NUDT3: variants seen among roughly 807,000 people sequenced by gnomAD.
The protein encoded by NUDT3 is nudix hydrolase 3.
In NUDT3, 9 loss-of-function variants were observed where a neutral mutation model predicts 23.6. The observed-to-expected ratio is 0.38, with a 90% CI of 0.23 to 0.66. The LOEUF is 0.66. NUDT3 is among the 30% of genes least tolerant of loss of function. The pLI is 0.52. For missense variants in NUDT3, 172 were observed against 218.5 expected, an observed-to-expected ratio of 0.79 and a Z score of 1.34; for synonymous variants, 86 against 82.6, an observed-to-expected ratio of 1.04 and a Z score of -0.22.
chr6:34,304,079 C>A (rs1021709649), intron 2 of NUDT3, among the ~76,000 whole-genome samples: 2 of 151,850 alleles, frequency 1.3e-5, no homozygotes, highest in Non-Finnish European at 2.9e-5. Context: ...ATGGTGAAAC[C>A]CCCATCTCTA....
At chr6:34,346,989 G>C (rs921732674) in intron 1 of NUDT3, among the ~76,000 whole-genome samples, 3 of 152,102 alleles carry the variant, frequency 2.0e-5, no homozygotes, top group Admixed American at 2.0e-4. Context: ...GGTTGGTCTT[G>C]AACTCCTGAC....
At chr6:34,312,988 G>A (rs781093814) in intron 2 of NUDT3, among the ~76,000 whole-genome samples, 33 of 152,016 alleles carry the variant, frequency 2.2e-4, no homozygotes, top group Middle Eastern at 6.8e-3. Flanking sequence ...CCAACATGGC[G>A]AAACCCCCTC....
chr6:34,324,945 G>A (rs939967590), intron 2 of NUDT3, among the ~76,000 whole-genome samples: 3 of 152,184 alleles, frequency 2.0e-5, no homozygotes, highest in Admixed American at 1.3e-4. Flanking sequence ...AGCAAAAGCT[G>A]AGCACAGGAA....
At chr6:34,340,581 C>G (rs1764273159) in intron 2 of NUDT3, among the ~76,000 whole-genome samples, 1 of 152,040 alleles carries the variant, frequency 6.6e-6, no homozygotes, top group South Asian at 2.1e-4. Context: ...TTTGGTTCTA[C>G]CCGGGTTAGC....
At chr6:34,374,361 CA>C (rs908995359) in intron 1 of NUDT3, among the ~76,000 whole-genome samples, 3 of 152,076 alleles carry the variant, frequency 2.0e-5, no homozygotes, top group Admixed American at 6.6e-5. Context: ...TCCAGGTTCA[CA>C]AATGTAAAGA....
chr6:34,347,000 C>G (rs559210731), intron 1 of NUDT3, among the ~76,000 whole-genome samples: 1 of 152,122 alleles, frequency 6.6e-6, no homozygotes, highest in Admixed American at 6.5e-5. Flanking sequence ...AACTCCTGAC[C>G]TCAAGCAATC....
chr6:34,347,977 A>T (rs370263758), intron 1 of NUDT3, among the ~76,000 whole-genome samples: 13 of 151,410 alleles, frequency 8.6e-5, no homozygotes, highest in Non-Finnish European at 8.8e-5. Flanking sequence ...GTCTACCAAA[A>T]AAATAAATAA....
intron 2 of NUDT3, among the ~76,000 whole-genome samples, chr6:34,341,163 T>C (rs1037935848): frequency 6.6e-6 from 1 of 152,186 alleles, no homozygotes; most frequent in African/African-American, 2.4e-5. Context: ...AAGCAGAGCA[T>C]GGTGTCACCA....
intron 2 of NUDT3, among the ~76,000 whole-genome samples, chr6:34,308,342 T>C (rs1162700660): frequency 6.6e-6 from 1 of 150,692 alleles, no homozygotes; most frequent in African/African-American, 2.4e-5. Context: ...CTACATGTAA[T>C]CACAGCTACT....
At chr6:34,383,726 AAAG>A (rs869069335) in intron 1 of NUDT3, among the ~76,000 whole-genome samples, 2 of 151,928 alleles carry the variant, frequency 1.3e-5, no homozygotes, top group Admixed American at 6.5e-5. Context: ...AAGCAGAAAC[AAAG>A]AAGTAGGATT....
intron 1 of NUDT3, among the ~76,000 whole-genome samples, chr6:34,354,722 C>CG (rs931903392): frequency 2.4e-5 from 3 of 124,730 alleles, no homozygotes; most frequent in Non-Finnish European, 3.6e-5. Flanking sequence ...GACTCTATCT[C>CG]GGGGGGGAAA....
At chr6:34,332,881 G>A (rs1040120285) in intron 2 of NUDT3, among the ~76,000 whole-genome samples, 5 of 152,184 alleles carry the variant, frequency 3.3e-5, no homozygotes, top group African/African-American at 1.2e-4. Context: ...AATGTAAGAC[G>A]AAGAGAAGAC....
At chr6:34,331,754 G>A (rs1021958621) in intron 2 of NUDT3, among the ~76,000 whole-genome samples, 1 of 152,164 alleles carries the variant, frequency 6.6e-6, no homozygotes, top group Non-Finnish European at 1.5e-5. Flanking sequence ...TACTGAACAC[G>A]TACCGACTTT....
At chr6:34,353,437 A>C (rs1392239703) in intron 1 of NUDT3, among the ~76,000 whole-genome samples, 3 of 130,602 alleles carry the variant, frequency 2.3e-5, no homozygotes, top group Non-Finnish European at 3.3e-5. Context: ...ACAACTCCCA[A>C]GTATTTTTTT....
At chr6:34,384,571 G>C (rs1229041383) in intron 1 of NUDT3, among the ~76,000 whole-genome samples, 1 of 152,174 alleles carries the variant, frequency 6.6e-6, no homozygotes, top group African/African-American at 2.4e-5. Flanking sequence ...AAGGCTGGGG[G>C]AAGAGGGATA....
chr6:34,330,474 ACT>A (rs961243962), intron 2 of NUDT3, among the ~76,000 whole-genome samples: 5 of 152,186 alleles, frequency 3.3e-5, no homozygotes, highest in Admixed American at 3.3e-4. Context: ...AATAAAGTTC[ACT>A]ATGGCATTTT....
At chr6:34,371,698 G>A (rs1219413391) in intron 1 of NUDT3, among the ~76,000 whole-genome samples, 1 of 152,106 alleles carries the variant, frequency 6.6e-6, no homozygotes, top group Non-Finnish European at 1.5e-5. Context: ...GGCAAGATGA[G>A]AATTATAATT....
Position 34,300,573 on chromosome 6 carries a change from C to G in NUDT3, c.211-4888G>C, listed in dbSNP as rs548978683. 3.1e-3 allele frequency among the ~76,000 whole-genome samples: 476 copies of G among 152,284 alleles called. 4 individuals are homozygous for G. The highest frequency in any genetic ancestry group is 0.024 in the Middle Eastern group (7 of 292). On this transcript the variant is annotated intron_variant, in intron 2 of 4. Transcript: ENST00000607016. ...ATAAAAAGACTGCACAAAAAGAAAC[C>G]CTGTACTTCCTTGTCAAGTGGGGAT...
chr6:34,320,340 C>T (rs1763922224), intron 2 of NUDT3, among the ~76,000 whole-genome samples: 1 of 152,112 alleles, frequency 6.6e-6, no homozygotes. Flanking sequence ...GATTCTCCTG[C>T]TTCAGGCTCC....
Sources: allele counts gnomAD v4.1 joint callset (sites outside exome capture counted in the v4.1 genomes callset), GRCh38; gene constraint gnomAD v4.1.1; transcripts MANE v1.5; gene names NCBI Gene and HGNC (gene_info 2026-07-23, HGNC 2026-07-21).